ATXN7L1: variants seen among roughly 807,000 people sequenced by gnomAD.
ATXN7L1 encodes ataxin 7 like 1.
A neutral mutation model predicts 70.8 loss-of-function variants in ATXN7L1; 15 were observed. The observed-to-expected ratio is 0.21, with a 90% confidence interval of 0.14 to 0.33. ATXN7L1 has a LOEUF of 0.33. Ranked by LOEUF, ATXN7L1 falls within the 10% of genes least tolerant of loss-of-function variation. The probability of loss-of-function intolerance (pLI) is 1.00; values close to 1 mark genes in which losing one functional copy is unlikely to be tolerated. For synonymous variants in ATXN7L1, 440 were observed against 445.1 expected (o/e 0.99, Z 0.14); for missense variants, 975 against 1,097.1 (o/e 0.89, Z 1.57).
chr7:105,784,435 A>AACACACAC (rs10667714), intron 3 of ATXN7L1, among the ~76,000 whole-genome samples: 4 of 149,624 alleles, frequency 2.7e-5, no homozygotes, highest in African/African-American at 7.4e-5. Context: ...TGACTGGCTA[A>AACACACAC]ACACACACAC....
intron 2 of ATXN7L1, among the ~76,000 whole-genome samples, chr7:105,840,751 C>A (rs1333112409): frequency 3.3e-5 from 5 of 152,268 alleles, no homozygotes; most frequent in East Asian, 1.9e-4. Context: ...GTCTACAGAC[C>A]GCCTTCTAAA....
intron 5 of ATXN7L1, among the ~76,000 whole-genome samples, chr7:105,641,393 C>G (rs1006525058): frequency 4.6e-5 from 7 of 151,748 alleles, no homozygotes; most frequent in African/African-American, 1.7e-4. Flanking sequence ...TCATGTCGAC[C>G]TGGAGCTGAG....
At chr7:105,619,524 ATATATATTTTTTTTT>A (rs1794572743) in intron 9 of ATXN7L1, among the ~76,000 whole-genome samples, 2 of 21,596 alleles carry the variant, frequency 9.3e-5, no homozygotes, top group African/African-American at 2.5e-4. Context: ...ATATATATAT[ATATATATTTTTTTTT>A]TTTTTTTTTT....
rs1792729074 is a variant in ATXN7L1 at position 105,605,487 on chromosome 7, T to TG, written c.*2364dup. On this transcript the variant is annotated 3_prime_UTR_variant, in exon 12 of 12. Coordinates refer to ENST00000419735, the MANE Select transcript of ATXN7L1 (RefSeq NM_020725.2). ...CATTCGATGAGGGTGGGGGGGGGGG[T>TG]GGGGGCTCTTTATTCCAGCTTCCAA... The TG allele has an allele frequency of 3.5e-5, 1 of 28,234 alleles. No individual in the cohort carries two copies. Among genetic ancestry groups the TG allele is most frequent in the African/African-American group, 1.4e-4 (1 of 6,902 alleles). 1.7% of individuals were successfully genotyped at this position (28,234 alleles called of 1,614,324 possible).
chr7:105,804,504 G>A (rs1807280455), intron 2 of ATXN7L1, among the ~76,000 whole-genome samples: 1 of 152,172 alleles, frequency 6.6e-6, no homozygotes, highest in African/African-American at 2.4e-5. Context: ...GGAAGGGGAA[G>A]CATTTCAGGG....
At chr7:105,865,628 C>A (rs1208257130) in intron 2 of ATXN7L1, among the ~76,000 whole-genome samples, 1 of 152,172 alleles carries the variant, frequency 6.6e-6, no homozygotes, top group Non-Finnish European at 1.5e-5. Context: ...GTATCGATCT[C>A]CTGACCTCGT....
In ATXN7L1 at chr7:105,675,991, G is replaced by A. The variant is rs535577029; in HGVS notation, c.356-10703C>T. ...GATGATACAATAGGTTGCTGTCACT[G>A]CTAGACCTTTGTCATCAGAGGGCTT... On this transcript the variant is annotated intron_variant, in intron 3 of 11. Coordinates refer to ENST00000419735, the MANE Select transcript of ATXN7L1 (RefSeq NM_020725.2). Among the ~76,000 whole-genome samples the A allele has an allele frequency of 1.4e-3, 215 of 151,504 alleles. 1 individual carries two copies. The highest frequency in any genetic ancestry group is 4.9e-3 in the African/African-American group (203 of 41,268).
In ATXN7L1 at chr7:105,680,645, C is replaced by T. The variant is rs143533013; in HGVS notation, c.356-15357G>A. On this transcript the variant is annotated intron_variant, in intron 3 of 11. Coordinates refer to ENST00000419735, the MANE Select transcript of ATXN7L1 (RefSeq NM_020725.2). ...CTGTTCCCAACAGTTAGGCTGTGGGCGTTGTTCCCTGATCCCAGGCTAGCA... is the reference window on the plus strand; with the variant it reads ...CTGTTCCCAACAGTTAGGCTGTGGGTGTTGTTCCCTGATCCCAGGCTAGCA... Among the ~76,000 whole-genome samples, 457 of 152,280 alleles carry T rather than the reference C, an allele frequency of 3.0e-3. 2 individuals are homozygous for T. Among genetic ancestry groups the T allele is most frequent in the African/African-American group, 0.01 (432 of 41,556 alleles).
At chr7:105,780,177 G>T (rs1803321570) in intron 3 of ATXN7L1, among the ~76,000 whole-genome samples, 1 of 152,118 alleles carries the variant, frequency 6.6e-6, no homozygotes, top group South Asian at 2.1e-4. Context: ...AAAATAAAAA[G>T]AACAATTGCA....
chr7:105,773,077 A>G (rs1802231608), intron 3 of ATXN7L1, among the ~76,000 whole-genome samples: 1 of 152,200 alleles, frequency 6.6e-6, no homozygotes, highest in Admixed American at 6.5e-5. Flanking sequence ...ACATCTGAAA[A>G]CTAAAATCAC....
At chr7:105,653,977 C>G (rs1232152228) in intron 4 of ATXN7L1, among the ~76,000 whole-genome samples, 1 of 152,186 alleles carries the variant, frequency 6.6e-6, no homozygotes, top group African/African-American at 2.4e-5. Context: ...CTGCACTCAT[C>G]ATGTCCTATG....
At chr7:105,764,724 A>G (rs1801014985) in intron 3 of ATXN7L1, among the ~76,000 whole-genome samples, 1 of 152,212 alleles carries the variant, frequency 6.6e-6, no homozygotes, top group Non-Finnish European at 1.5e-5. Context: ...AGGAATCTGA[A>G]GACATAATCC....
Position 105,876,536 on chromosome 7 carries a change from A to G in ATXN7L1, c.23T>C (p.Ile8Thr), listed in dbSNP as rs750787221. 5.8e-6 allele frequency: 8 copies of G among 1,384,626 alleles called. No homozygotes were observed. Among genetic ancestry groups the G allele is most frequent in the Non-Finnish European group, 7.7e-6 (8 of 1,034,964 alleles). The allele number at this position is 1,384,626 out of a possible 1,614,324, so 85.8% of individuals were successfully genotyped here. A position where few individuals can be genotyped will look rare whatever the true frequency, so the allele number is the denominator to read the frequency against. The change falls in exon 1 of 12, where the codon ATC becomes ACC. Residue 8 changes from isoleucine to threonine, a missense_variant. Physicochemically the swap from Ile to Thr is moderately conservative, Grantham distance 89 (BLOSUM62 -1). Coordinates refer to ENST00000419735, the MANE Select transcript of ATXN7L1 (RefSeq NM_020725.2). MTSERSR[I>T]PCLSAAAAEG... ...GGCAGCAGCAGCCGAGAGACACGGGATTCGAGAACGCTCCGACGTCATCTT... is the reference window on the plus strand; with the variant it reads ...GGCAGCAGCAGCCGAGAGACACGGGGTTCGAGAACGCTCCGACGTCATCTT...
intron 4 of ATXN7L1, among the ~76,000 whole-genome samples, chr7:105,653,818 C>T (rs953264639): frequency 9.2e-5 from 14 of 152,038 alleles, no homozygotes; most frequent in African/African-American, 2.9e-4. Context: ...ACCAGTGCTC[C>T]GGCCTGGCTC....
Position 105,777,363 on chromosome 7 carries a change from T to C in ATXN7L1, c.355+11241A>G, listed in dbSNP as rs914939286. ...CACAAATAAAATCACCTATTGTCAA[T>C]TGGCTATTGTCAAGGCCAACAACCC... On this transcript the variant is annotated intron_variant, in intron 3 of 11. Coordinates refer to ENST00000419735, the MANE Select transcript of ATXN7L1 (RefSeq NM_020725.2). Among the ~76,000 whole-genome samples the C allele has an allele frequency of 7.9e-5, 12 of 152,330 alleles. 1 individual carries two copies. Among genetic ancestry groups the C allele is most frequent in the African/African-American group, 2.4e-4 (10 of 41,578 alleles).
At chr7:105,658,064 T>C (rs1800960604) in intron 4 of ATXN7L1, among the ~76,000 whole-genome samples, 1 of 152,172 alleles carries the variant, frequency 6.6e-6, no homozygotes, top group Non-Finnish European at 1.5e-5. Context: ...ATTTTGAATA[T>C]ATTAGGTTAA....
intron 2 of ATXN7L1, among the ~76,000 whole-genome samples, chr7:105,814,362 T>C (rs567936352): frequency 1.3e-5 from 2 of 152,190 alleles, no homozygotes; most frequent in African/African-American, 2.4e-5. Flanking sequence ...ATGATGGTGA[T>C]GATGATGATG....
At chr7:105,822,791 G>A (rs1411877824) in intron 2 of ATXN7L1, among the ~76,000 whole-genome samples, 1 of 152,218 alleles carries the variant, frequency 6.6e-6, no homozygotes, top group Non-Finnish European at 1.5e-5. Flanking sequence ...CTCCCAGTGA[G>A]TTGTTTCTAA....
chr7:105,804,453 A>C lies in ATXN7L1; in HGVS notation c.251-15745T>G, dbSNP rs7786261. Among the ~76,000 whole-genome samples, 857 of 152,278 alleles carry C rather than the reference A, an allele frequency of 5.6e-3. 7 individuals carry two copies. Among genetic ancestry groups the C allele is most frequent in the African/African-American group, 0.019 (807 of 41,558 alleles). ...GGAAGCTCTTGTTGGAGATGAGTGG[A>C]AACATCTTAGGGAAAATTAGCCTCT... On this transcript the variant is annotated intron_variant, in intron 2 of 11. Transcript: ENST00000419735.
Sources: allele counts gnomAD v4.1 joint callset (sites outside exome capture counted in the v4.1 genomes callset), GRCh38; gene constraint gnomAD v4.1.1; transcripts MANE v1.5; gene names NCBI Gene and HGNC (gene_info 2026-07-23, HGNC 2026-07-21).